The following COLEC10 variants were observed in gnomAD, a reference collection of about 807,000 sequenced individuals.
COLEC10 encodes the protein collectin subfamily member 10, also known as collectin-10.
In COLEC10, 22 loss-of-function variants were observed where a neutral mutation model predicts 28.4. The observed-to-expected ratio is 0.78, with a 90% CI of 0.55 to 1.11. COLEC10 has a LOEUF of 1.11. Ranked by LOEUF, COLEC10 falls within the 50% of genes least tolerant of loss-of-function variation. COLEC10 has a pLI of 0.00. For synonymous variants in COLEC10, 125 were observed against 116.1 expected, an observed-to-expected ratio of 1.08 and a Z score of -0.49; for missense variants, 361 against 344.1, an observed-to-expected ratio of 1.05 and a Z score of -0.39.
chr8:119,101,316 A>C (rs1019588025), intron 3 of COLEC10, among the ~76,000 whole-genome samples: 12 of 152,110 alleles, frequency 7.9e-5, no homozygotes, highest in African/African-American at 2.9e-4. Flanking sequence ...TTGAAGCATA[A>C]ACTCTATTTT....
the COLEC10 span, among the ~76,000 whole-genome samples, chr8:118,979,826 A>G: frequency 6.6e-6 from 1 of 152,146 alleles, no homozygotes; most frequent in African/African-American, 2.4e-5. Context: ...TCAAGCTGAC[A>G]GCCAGACCAT....
chr8:119,037,594 T>C (rs985767234), intron 2 of COLEC10, among the ~76,000 whole-genome samples: 1 of 152,198 alleles, frequency 6.6e-6, no homozygotes, highest in Non-Finnish European at 1.5e-5. Flanking sequence ...TCTCCTATGC[T>C]CAGTCTCAGG....
chr8:119,067,430 G>A lies in COLEC10; in HGVS notation c.148+1G>A. ...CACACAATTTCACCAGGACCCAAAG[G>A]TGAGGAAAGAAAACCACAATTTTCA... On this transcript the variant is annotated splice_donor_variant, in intron 1 of 5. Transcript: ENST00000332843. LOFTEE classifies it high-confidence loss of function. 2 of 1,612,454 alleles carry A rather than the reference G, an allele frequency of 1.2e-6. No individual in the cohort carries two copies. The highest frequency in any genetic ancestry group is 1.7e-6 in the Non-Finnish European group (2 of 1,179,420).
chr8:118,978,932 T>G, the COLEC10 span, among the ~76,000 whole-genome samples: 1 of 152,088 alleles, frequency 6.6e-6, no homozygotes, highest in African/African-American at 2.4e-5. Flanking sequence ...ATCATTCTTA[T>G]TTTACAAATC....
the COLEC10 span, among the ~76,000 whole-genome samples, chr8:118,981,732 G>T: frequency 6.6e-6 from 1 of 152,082 alleles, no homozygotes; most frequent in African/African-American, 2.4e-5. Context: ...AACAAATTTT[G>T]TTCAGCAATT....
At chr8:118,958,533 AG>A in the COLEC10 span, among the ~76,000 whole-genome samples, 1 of 152,202 alleles carries the variant, frequency 6.6e-6, no homozygotes, top group African/African-American at 2.4e-5. Flanking sequence ...GGCAAGAAAA[AG>A]CCTCACGGCT....
At chr8:119,019,417 A>G (rs1370278743) in intron 2 of COLEC10, among the ~76,000 whole-genome samples, 1 of 152,144 alleles carries the variant, frequency 6.6e-6, no homozygotes, top group Non-Finnish European at 1.5e-5. Flanking sequence ...AACATTTTGA[A>G]GATGCTCAAG....
chr8:119,052,651 A>G (rs1814693449), intron 2 of COLEC10, among the ~76,000 whole-genome samples: 1 of 152,168 alleles, frequency 6.6e-6, no homozygotes, highest in Admixed American at 6.6e-5. Flanking sequence ...AATTATTAAC[A>G]GTCAAGCAAG....
intron 2 of COLEC10, among the ~76,000 whole-genome samples, chr8:119,012,424 GT>G (rs1813916350): frequency 2.0e-5 from 3 of 150,506 alleles, no homozygotes; most frequent in African/African-American, 7.4e-5. Context: ...CTGGTCTGTA[GT>G]TTTTTTTCTT....
intron 3 of COLEC10, among the ~76,000 whole-genome samples, chr8:119,091,703 A>G (rs1815606545): frequency 6.6e-6 from 1 of 152,016 alleles, no homozygotes; most frequent in Admixed American, 6.6e-5. Context: ...CTTCTTTTAA[A>G]TTAATAATTC....
chr8:118,983,123 C>A, the COLEC10 span, among the ~76,000 whole-genome samples: 1 of 152,136 alleles, frequency 6.6e-6, no homozygotes, highest in Admixed American at 6.6e-5. Context: ...CTGAACTTAG[C>A]AGTATTTTGG....
At chr8:118,997,400 C>A (rs1209359385) in intron 1 of COLEC10, among the ~76,000 whole-genome samples, 2 of 152,118 alleles carry the variant, frequency 1.3e-5, no homozygotes, top group African/African-American at 4.8e-5. Context: ...TGTTTTGAAG[C>A]TTTTCCCCTG....
chr8:119,014,491 T>A (rs1813954233), intron 2 of COLEC10, among the ~76,000 whole-genome samples: 1 of 150,564 alleles, frequency 6.6e-6, no homozygotes, highest in Admixed American at 6.6e-5. Flanking sequence ...TCATCAAAAT[T>A]TTTCTTCATC....
chr8:119,038,526 G>A (rs933434273), intron 2 of COLEC10, among the ~76,000 whole-genome samples: 1 of 152,146 alleles, frequency 6.6e-6, no homozygotes, highest in Non-Finnish European at 1.5e-5. Context: ...ACTACATGGT[G>A]TTTCTCTCAA....
chr8:119,034,792 C>G (rs943123053), intron 2 of COLEC10, among the ~76,000 whole-genome samples: 2 of 152,190 alleles, frequency 1.3e-5, no homozygotes, highest in Admixed American at 1.3e-4. Flanking sequence ...AATACTGATT[C>G]TGACACTTAC....
chr8:119,094,696 T>G (rs1003386144), intron 3 of COLEC10, among the ~76,000 whole-genome samples: 1 of 152,194 alleles, frequency 6.6e-6, no homozygotes, highest in Admixed American at 6.5e-5. Context: ...TGGATTGATA[T>G]GCAAGGCCTG....
At chr8:119,041,567 AT>A (rs1243192083) in intron 2 of COLEC10, among the ~76,000 whole-genome samples, 2 of 152,092 alleles carry the variant, frequency 1.3e-5, no homozygotes, top group Admixed American at 6.6e-5. Flanking sequence ...TACTACTTGA[AT>A]TTTTTGCACC....
intron 2 of COLEC10, among the ~76,000 whole-genome samples, chr8:119,034,027 T>G (rs944771462): frequency 6.6e-6 from 1 of 152,064 alleles, no homozygotes; most frequent in African/African-American, 2.4e-5. Flanking sequence ...ATAAAGAAAA[T>G]GTGGCACATG....
intron 2 of COLEC10, among the ~76,000 whole-genome samples, chr8:119,043,868 G>A: frequency 6.6e-6 from 1 of 152,098 alleles, no homozygotes; most frequent in East Asian, 1.9e-4. Context: ...CTTGCTGAAG[G>A]CCTTACAGTT....
Sources: gnomAD v4.1 joint callset for allele counts (sites outside exome capture counted in the v4.1 genomes callset) on GRCh38, gnomAD v4.1.1 for gene constraint, MANE v1.5 for transcripts, NCBI Gene and HGNC (gene_info 2026-07-23, HGNC 2026-07-21) for gene names.